Variants in NAALADL2 observed in about 807,000 individuals in gnomAD.
NAALADL2 encodes the protein N-acetylated alpha-linked acidic dipeptidase like 2.
NAALADL2 carries 76 observed loss-of-function variants against 87.2 expected under a neutral mutation model. The ratio of observed to expected loss-of-function variants is 0.87; its 90% CI spans 0.72 to 1.05. The LOEUF is 1.05. Among genes scored for constraint, NAALADL2 ranks in the 50% least tolerant of loss-of-function variants. The pLI is 0.00. For missense variants in NAALADL2, 1,089 were observed against 945.8 expected, an observed-to-expected ratio of 1.15 and a Z score of -1.99; for synonymous variants, 354 against 331.0, an observed-to-expected ratio of 1.07 and a Z score of -0.75.
At chr3:175,741,349 T>G (rs1226661426) in intron 12 of NAALADL2, among the ~76,000 whole-genome samples, 1 of 152,146 alleles carries the variant, frequency 6.6e-6, no homozygotes, top group Non-Finnish European at 1.5e-5. Context: ...AATTTAATTT[T>G]TTAGGGCTCT....
At chr3:174,634,093 G>A (rs967391979) in intron 2 of NAALADL2, among the ~76,000 whole-genome samples, 7 of 152,042 alleles carry the variant, frequency 4.6e-5, no homozygotes, top group Admixed American at 2.6e-4. Context: ...TATTACTTAC[G>A]GATGAGTTAA....
At chr3:175,258,320 C>A (rs1357651225) in intron 4 of NAALADL2, among the ~76,000 whole-genome samples, 1 of 99,688 alleles carries the variant, frequency 1.0e-5, no homozygotes, top group Admixed American at 1.1e-4. Context: ...TCCGCCCCCA[C>A]CACCAAAAAA....
chr3:175,019,604 A>G (rs1423651120), intron 1 of NAALADL2, among the ~76,000 whole-genome samples: 1 of 151,938 alleles, frequency 6.6e-6, no homozygotes, highest in Non-Finnish European at 1.5e-5. Flanking sequence ...GTACAAACCT[A>G]AGTTATGAGT....
rs1437114987 is a variant in NAALADL2, at chr3:175,805,603, C to T, written c.*2400C>T. 1 of 151,708 alleles carries T rather than the reference C, an allele frequency of 6.6e-6. No homozygotes were observed. The highest frequency in any genetic ancestry group is 2.4e-5 in the African/African-American group (1 of 41,348). 9.4% of individuals were successfully genotyped at this position (151,708 alleles called of 1,614,324 possible). A position where few individuals can be genotyped will look rare whatever the true frequency, so the allele number is the denominator to read the frequency against. On this transcript the variant is annotated 3_prime_UTR_variant, in exon 14 of 14. Transcript: ENST00000454872. Reference sequence around the variant, plus strand: ...TTTCACTCCCCTCCCCTCCCCACCCCCAATAGATTCAAATAAATAAAATCC... The same window carrying T: ...TTTCACTCCCCTCCCCTCCCCACCCTCAATAGATTCAAATAAATAAAATCC...
At chr3:175,068,961 G>A (rs1203880279) in intron 1 of NAALADL2, among the ~76,000 whole-genome samples, 1 of 152,008 alleles carries the variant, frequency 6.6e-6, no homozygotes, top group Non-Finnish European at 1.5e-5. Context: ...TGTTTTAATT[G>A]TTTGGGGGAG....
At position 174,765,141 on chromosome 3, in the gene NAALADL2, C is replaced by CGAGAG. The variant is rs1390346777; in HGVS notation, c.-9+27395_-9+27396insGAGAG. Among the ~76,000 whole-genome samples, 14 of 111,674 alleles carry CGAGAG rather than the reference C, an allele frequency of 1.3e-4. No homozygotes were observed. In the South Asian group the frequency reaches 2.5e-3, roughly 20 times the overall value. 73.3% of individuals were successfully genotyped at this position (111,674 alleles called of 152,430 possible). On this transcript the variant is annotated intron_variant, in intron 3 of 3. Coordinates refer to the NAALADL2 transcript ENST00000434257. The stretch of plus-strand genomic sequence containing the variant: ...ACACACATACACACACACACACACA[C>CGAGAG]ACGAGAGAGAGAGAGAGAGAGAGAG...
intron 2 of NAALADL2, among the ~76,000 whole-genome samples, chr3:175,131,459 G>A (rs1437260670): frequency 2.6e-5 from 4 of 152,082 alleles, no homozygotes; most frequent in African/African-American, 7.2e-5. Flanking sequence ...CAGAGAGCAC[G>A]GGGTTGGGGG....
At chr3:175,345,404 A>G (rs1763051941) in intron 5 of NAALADL2, among the ~76,000 whole-genome samples, 1 of 152,104 alleles carries the variant, frequency 6.6e-6, no homozygotes, top group Admixed American at 6.6e-5. Context: ...CTTCTTTTTG[A>G]CATCAGTTTT....
At position 175,258,247 on chromosome 3, in the gene NAALADL2, G is replaced by C. The variant is rs1194967858; in HGVS notation, c.939+1717G>C. Among the ~76,000 whole-genome samples, 4 of 146,918 alleles carry C rather than the reference G, an allele frequency of 2.7e-5. No homozygotes were observed. In the South Asian group the frequency reaches 8.6e-4, roughly 31 times the overall value. Reference sequence around the variant, plus strand: ...CGCTTGAACCCGGGAGGCAGAACTTGCAATGAGCCGAGATCACGCCACTGC... The same window carrying C: ...CGCTTGAACCCGGGAGGCAGAACTTCCAATGAGCCGAGATCACGCCACTGC... On this transcript the variant is annotated intron_variant, in intron 4 of 13. Transcript: ENST00000454872.
intron 3 of NAALADL2, among the ~76,000 whole-genome samples, chr3:174,846,141 G>A (rs1038012350): frequency 6.6e-6 from 1 of 152,254 alleles, no homozygotes; most frequent in African/African-American, 2.4e-5. Flanking sequence ...ACCACCAAGG[G>A]TCTCTAGATT....
rs530363518 is a variant in NAALADL2, at chr3:175,275,475, G to A, written c.939+18945G>A. On this transcript the variant is annotated intron_variant, in intron 4 of 13. Transcript: ENST00000454872. ...TCTGGACCATTTTATGTAGTTGGGC[G>A]GGCCATGCAGTTTGTATCTTATGGG... is the stretch of plus-strand genomic sequence containing the variant. Among the ~76,000 whole-genome samples, 13 of 151,928 alleles carry A rather than the reference G, an allele frequency of 8.6e-5. No homozygotes were observed. The East Asian group carries it at 1.5e-3, about 18-fold the overall frequency.
At chr3:174,958,999 G>A (rs773701317) in intron 1 of NAALADL2, among the ~76,000 whole-genome samples, 3 of 151,992 alleles carry the variant, frequency 2.0e-5, no homozygotes, top group Non-Finnish European at 2.9e-5. Context: ...GAAGTTTAAC[G>A]CAACAGTTTT....
intron 1 of NAALADL2, among the ~76,000 whole-genome samples, chr3:174,940,817 A>G (rs1738466127): frequency 6.6e-6 from 1 of 152,044 alleles, no homozygotes; most frequent in African/African-American, 2.4e-5. Flanking sequence ...TGTTTGTAGT[A>G]GTTTCTGATG....
chr3:174,832,570 TC>T (rs768850890), intron 3 of NAALADL2, among the ~76,000 whole-genome samples: 12 of 152,144 alleles, frequency 7.9e-5, no homozygotes, highest in Non-Finnish European at 1.5e-4. Flanking sequence ...CACGCCATTC[TC>T]CTGCCTCAGC....
intron 5 of NAALADL2, among the ~76,000 whole-genome samples, chr3:175,422,465 A>C (rs1344656388): frequency 1.3e-5 from 2 of 152,042 alleles, no homozygotes; most frequent in African/African-American, 4.8e-5. Flanking sequence ...CCTTTAGTTA[A>C]TTACCTTTTT....
chr3:175,565,891 G>A lies in NAALADL2; in HGVS notation c.1654-10150G>A, dbSNP rs563701715. Among the ~76,000 whole-genome samples, 70 of 136,342 alleles carry A rather than the reference G, an allele frequency of 5.1e-4. 1 individual carries two copies. In the South Asian group the frequency reaches 0.011, roughly 21 times the overall value. 89.4% of individuals were successfully genotyped at this position (136,342 alleles called of 152,430 possible). A position where few individuals can be genotyped will look rare whatever the true frequency, so the allele number is the denominator to read the frequency against. On this transcript the variant is annotated intron_variant, in intron 9 of 13. Transcript: ENST00000454872. ...GTCCCCCAGGCTGGAGTGCAGTGGT[G>A]CGTTATTGGCTCACCGCAACCTTCG...
intron 9 of NAALADL2, among the ~76,000 whole-genome samples, chr3:175,521,531 A>G (rs964618008): frequency 6.6e-6 from 1 of 152,176 alleles, no homozygotes; most frequent in Non-Finnish European, 1.5e-5. Flanking sequence ...AACTCCCAGT[A>G]CTGATGGATG....
At chr3:175,076,503 T>C (rs1455416392) in intron 1 of NAALADL2, among the ~76,000 whole-genome samples, 1 of 151,886 alleles carries the variant, frequency 6.6e-6, no homozygotes, top group Non-Finnish European at 1.5e-5. Flanking sequence ...ACAGAAGGCA[T>C]CAAAGAAAAG....
intron 2 of NAALADL2, among the ~76,000 whole-genome samples, chr3:174,675,051 C>A (rs1196830911): frequency 6.6e-6 from 1 of 151,926 alleles, no homozygotes; most frequent in African/African-American, 2.4e-5. Context: ...TCTAACCTAA[C>A]CTTTTCTTGT....
Sources: allele counts gnomAD v4.1 joint callset (sites outside exome capture counted in the v4.1 genomes callset), GRCh38; gene constraint gnomAD v4.1.1; transcripts MANE v1.5; gene names NCBI Gene and HGNC (gene_info 2026-07-23, HGNC 2026-07-21).